The following EIF1AX variants were observed in gnomAD, a reference collection of about 807,000 sequenced individuals.
EIF1AX encodes the protein eukaryotic translation initiation factor 1A X-linked, also known as eukaryotic translation initiation factor 1A, X-chromosomal.
A neutral mutation model predicts 16.1 loss-of-function variants in EIF1AX; 1 was observed. The ratio of observed to expected loss-of-function variants is 0.06; its 90% CI spans 0.02 to 0.30. EIF1AX has a LOEUF of 0.30. Among genes scored for constraint, EIF1AX ranks in the 10% least tolerant of loss-of-function variants. The pLI, the probability that EIF1AX is intolerant of heterozygous loss-of-function variation, is 1.00. For synonymous variants in EIF1AX, 32 were observed against 37.3 expected, an observed-to-expected ratio of 0.86 and a Z score of 0.51; for missense variants, 11 against 109.1, an observed-to-expected ratio of 0.10 and a Z score of 4.00.
At chrX:20,138,825 T>C (rs1485646715) in intron 1 of EIF1AX, among the ~76,000 whole-genome samples, 1 of 111,962 alleles carries the variant, frequency 8.9e-6, no homozygotes, top group Admixed American at 9.5e-5. Flanking sequence ...CCTACCCTTC[T>C]TGGAATTTCC....
chrX:20,133,939 T>A lies in EIF1AX; in HGVS notation c.255+18A>T. 2 of 1,168,054 alleles carry A rather than the reference T, an allele frequency of 1.7e-6. No homozygotes were observed. The highest frequency in any genetic ancestry group is 3.8e-5 in the South Asian group (2 of 52,106). On this transcript the variant is annotated intron_variant, in intron 4 of 6. Transcript: ENST00000379607. Reference sequence around the variant, plus strand: ...ATTCAAGCCAGTAAAATAGGAAAAATTTACATGTAAATTTTACCTGGTAGT... The same window carrying A: ...ATTCAAGCCAGTAAAATAGGAAAAAATTACATGTAAATTTTACCTGGTAGT...
At position 20,125,768 on chromosome X, in the gene EIF1AX, T is replaced by G. The variant is rs1415656797; in HGVS notation, c.*2538A>C. 1 of 157,352 alleles carries G rather than the reference T, an allele frequency of 6.4e-6. No individual in the cohort carries two copies. The highest frequency in any genetic ancestry group is 3.0e-5 in the African/African-American group (1 of 32,963). 13.0% of individuals were successfully genotyped at this position (157,352 alleles called of 1,213,427 possible). ...TACATTAGATGAGATTAAGTTAAAT[T>G]ACAAGTCACAAAGAGTTTGTAAGCA... On this transcript the variant is annotated 3_prime_UTR_variant, in exon 7 of 7. Coordinates refer to ENST00000379607, the MANE Select transcript of EIF1AX (RefSeq NM_001412.4).
intron 6 of EIF1AX, among the ~76,000 whole-genome samples, chrX:20,129,125 A>G (rs1009555327): frequency 1.4e-4 from 16 of 111,631 alleles, no homozygotes; most frequent in African/African-American, 5.2e-4. Flanking sequence ...AATTAAGAAA[A>G]TAACAGAACA....
At chrX:20,134,271 C>A (rs1257676550) in intron 3 of EIF1AX, among the ~76,000 whole-genome samples, 1 of 111,254 alleles carries the variant, frequency 9.0e-6, no homozygotes, top group Non-Finnish European at 1.9e-5. Flanking sequence ...CCTTGTAGTC[C>A]CAGCTACTCG....
chrX:20,133,525 T>TAA (rs1190031056), intron 4 of EIF1AX, among the ~76,000 whole-genome samples: 2,593 of 108,929 alleles, frequency 0.024, 81 homozygotes, highest in African/African-American at 0.082. Flanking sequence ...TTTTTTTTTT[T>TAA]AAATCAAAGT....
rs190081935 is a variant in EIF1AX, at chrX:20,137,712, T to C, written c.100+827A>G. 6.6e-3 allele frequency among the ~76,000 whole-genome samples: 740 copies of C among 111,916 alleles called. 7 individuals carry two copies. The highest frequency in any genetic ancestry group is 0.023 in the African/African-American group (714 of 30,730). On this transcript the variant is annotated intron_variant, in intron 2 of 6. Coordinates refer to ENST00000379607, the MANE Select transcript of EIF1AX (RefSeq NM_001412.4). ...TTTTATTGTAGTTTACGAAGTTATA[T>C]GCTAATGGCACTGGAGAATGGAGAG...
At chrX:20,129,753 C>A (rs374109758) in intron 6 of EIF1AX, among the ~76,000 whole-genome samples, 1 of 112,268 alleles carries the variant, frequency 8.9e-6, no homozygotes. Context: ...TTTGACAAGG[C>A]TTTCAGTGTA....
intron 1 of EIF1AX, among the ~76,000 whole-genome samples, chrX:20,139,452 T>C (rs545617258): frequency 8.9e-6 from 1 of 111,885 alleles, no homozygotes; most frequent in Non-Finnish European, 1.9e-5. Flanking sequence ...GTAAGTCGCT[T>C]AGCTTCAGTG....
chrX:20,131,952 C>T (rs762264626), intron 5 of EIF1AX, among the ~76,000 whole-genome samples: 1 of 108,276 alleles, frequency 9.2e-6, no homozygotes, highest in Non-Finnish European at 1.9e-5. Context: ...CTTTAGTTAG[C>T]ATTATGTGGA....
chrX:20,133,451 A>G (rs2067006701), intron 4 of EIF1AX, among the ~76,000 whole-genome samples: 1 of 111,235 alleles, frequency 9.0e-6, no homozygotes, highest in African/African-American at 3.3e-5. Flanking sequence ...CTCGGAGGGC[A>G]AAACTGCCCA....
At chrX:20,136,216 T>C in intron 2 of EIF1AX, 1 of 329,704 alleles carries the variant, frequency 3.0e-6, no homozygotes. Flanking sequence ...GCTACCTTTA[T>C]AAACACGTGT....
intron 4 of EIF1AX, among the ~76,000 whole-genome samples, chrX:20,132,988 T>A (rs1161349972): frequency 8.9e-6 from 1 of 111,901 alleles, no homozygotes; most frequent in Admixed American, 9.5e-5. Flanking sequence ...GAGATCTTAT[T>A]AAAATGCATG....
intron 2 of EIF1AX, among the ~76,000 whole-genome samples, chrX:20,138,254 T>C (rs949951171): frequency 2.7e-5 from 3 of 109,469 alleles, no homozygotes; most frequent in Non-Finnish European, 5.7e-5. Flanking sequence ...CCGCCCGCCT[T>C]GGCCTCCCAA....
chrX:20,139,081 G>A (rs2067026256), intron 1 of EIF1AX, among the ~76,000 whole-genome samples: 1 of 111,527 alleles, frequency 9.0e-6, no homozygotes, highest in Non-Finnish European at 1.9e-5. Flanking sequence ...TGGTAGCAGA[G>A]TACCATAAAT....
At chrX:20,139,823 T>C (rs964513147) in intron 1 of EIF1AX, 1 of 112,204 alleles carries the variant, frequency 8.9e-6, no homozygotes, top group Non-Finnish European at 1.9e-5. Flanking sequence ...GAGTAAAAGG[T>C]GATTAGGGCT....
At chrX:20,135,661 C>T (rs2067014501) in intron 3 of EIF1AX, 77 bp downstream of exon 3, 2 of 754,879 alleles carry the variant, frequency 2.6e-6, no homozygotes, top group Non-Finnish European at 4.1e-6. Context: ...AAAATGAAGT[C>T]CATGGACAGT....
chrX:20,130,517 T>G lies in EIF1AX; in HGVS notation c.428A>C (p.Asp143Ala). The G allele has an allele frequency of 1.7e-6, 2 of 1,188,711 alleles. No individual in the cohort carries two copies. Among genetic ancestry groups the G allele is most frequent in the Non-Finnish European group, 2.3e-6 (2 of 883,699 alleles). The change falls in exon 6 of 7, where the codon GAC becomes GCC. Residue 143 changes from aspartate to alanine, a missense_variant and splice_region_variant. Coordinates refer to ENST00000379607, the MANE Select transcript of EIF1AX (RefSeq NM_001412.4). ...DIGDDDEDIDDI is the reference protein window; with the variant it reads ...DIGDDDEDIDAI ...AAAACACAAGGTACATCTACTTACG[T>G]CATCAATATCTTCATCATCATCTCC...
intron 2 of EIF1AX, among the ~76,000 whole-genome samples, chrX:20,136,898 C>T (rs2067018637): frequency 9.0e-6 from 1 of 111,640 alleles, no homozygotes; most frequent in Non-Finnish European, 1.9e-5. Context: ...GAAAACGTAT[C>T]TCATGTTTAC....
chrX:20,133,516 T>A (rs1273618157), intron 4 of EIF1AX, among the ~76,000 whole-genome samples: 1 of 110,740 alleles, frequency 9.0e-6, no homozygotes, highest in Non-Finnish European at 1.9e-5. Flanking sequence ...TCTGGGTTTT[T>A]TTTTTTTTTA....
Sources: allele counts gnomAD v4.1 joint callset (sites outside exome capture counted in the v4.1 genomes callset), GRCh38; gene constraint gnomAD v4.1.1; transcripts MANE v1.5; gene names NCBI Gene and HGNC (gene_info 2026-07-23, HGNC 2026-07-21).